Variants in PDE11A observed in about 807,000 individuals in gnomAD.
PDE11A encodes dual 3',5'-cyclic-AMP and -GMP phosphodiesterase 11A.
A neutral mutation model predicts 100.5 loss-of-function variants in PDE11A; 100 were observed. The observed-to-expected ratio is 1.00, with a 90% CI of 0.85 to 1.18. The LOEUF is 1.18. PDE11A is among the 50% of genes most tolerant of loss of function. The pLI, the probability that PDE11A is intolerant of heterozygous loss-of-function variation, is 0.00. For synonymous variants in PDE11A, 381 were observed against 420.8 expected, an observed-to-expected ratio of 0.91 and a Z score of 1.16; for missense variants, 1,141 against 1,152.6, an observed-to-expected ratio of 0.99 and a Z score of 0.15.
intron 2 of PDE11A, among the ~76,000 whole-genome samples, chr2:177,955,643 T>TA (rs1057251995): frequency 1.3e-5 from 2 of 152,174 alleles, no homozygotes; most frequent in Non-Finnish European, 2.9e-5. Flanking sequence ...GGCATCACGC[T>TA]ACCTGACTTC....
intron 2 of PDE11A, among the ~76,000 whole-genome samples, chr2:178,091,950 G>A (rs2087428938): frequency 6.6e-6 from 1 of 151,994 alleles, no homozygotes; most frequent in South Asian, 2.1e-4. Flanking sequence ...TAACAACATT[G>A]GACATGCTTT....
intron 10 of PDE11A, among the ~76,000 whole-genome samples, chr2:177,741,905 G>A (rs2081876957): frequency 6.6e-6 from 1 of 152,118 alleles, no homozygotes; most frequent in Non-Finnish European, 1.5e-5. Context: ...AGTGGTGCAC[G>A]CCTGCAGTCC....
At chr2:177,921,492 AAC>A (rs1397344990) in intron 2 of PDE11A, among the ~76,000 whole-genome samples, 9 of 150,450 alleles carry the variant, frequency 6.0e-5, no homozygotes, top group African/African-American at 1.5e-4. Context: ...AAAGAAAAAA[AAC>A]ATGTTTATCA....
chr2:177,633,362 CA>C (rs1202397501), intron 19 of PDE11A, among the ~76,000 whole-genome samples: 1 of 152,220 alleles, frequency 6.6e-6, no homozygotes, highest in Non-Finnish European at 1.5e-5. Context: ...AGCACAACTG[CA>C]AACCACCTGT....
chr2:177,913,686 A>G (rs2084913670), intron 2 of PDE11A, among the ~76,000 whole-genome samples: 2 of 152,014 alleles, frequency 1.3e-5, no homozygotes, highest in South Asian at 4.1e-4. Flanking sequence ...TTGGCAATAT[A>G]TCTTGGAAAT....
At chr2:177,845,544 A>C (rs2083577614) in intron 5 of PDE11A, among the ~76,000 whole-genome samples, 1 of 148,762 alleles carries the variant, frequency 6.7e-6, no homozygotes, top group Non-Finnish European at 1.5e-5. Flanking sequence ...CTCACTTTCC[A>C]GACTGGGCAG....
At chr2:178,023,524 T>A (rs2086439938) in intron 1 of PDE11A, among the ~76,000 whole-genome samples, 1 of 152,176 alleles carries the variant, frequency 6.6e-6, no homozygotes, top group African/African-American at 2.4e-5. Context: ...CCCAATACTT[T>A]ATAGTAAAAT....
chr2:177,850,978 C>T (rs1437152348), intron 5 of PDE11A, among the ~76,000 whole-genome samples: 1 of 152,146 alleles, frequency 6.6e-6, no homozygotes, highest in Non-Finnish European at 1.5e-5. Context: ...GACAGTGTGG[C>T]GACTCCTCAA....
chr2:177,672,055 A>G (rs12612481), intron 17 of PDE11A, among the ~76,000 whole-genome samples: 17,041 of 151,966 alleles, frequency 0.11, 1,071 homozygotes, highest in East Asian at 0.26. Flanking sequence ...AGCCTCCCCC[A>G]GTACTACACT....
chr2:177,885,690 G>C (rs1452409619), intron 4 of PDE11A, among the ~76,000 whole-genome samples: 1 of 152,168 alleles, frequency 6.6e-6, no homozygotes. Context: ...ACTCACTTGA[G>C]AAGGAGGGCA....
rs140981997 is a variant in PDE11A at position 177,960,873 on chromosome 2, A to C, written c.1071+53429T>G. ...TTTATATGGATCCATACATATCCTA[A>C]TGTTGCCTCCCGACTGGTTGGTCTT... On this transcript the variant is annotated intron_variant, in intron 2 of 19. Coordinates refer to ENST00000286063, the MANE Select transcript of PDE11A (RefSeq NM_016953.4). 9.9e-4 allele frequency among the ~76,000 whole-genome samples: 150 copies of C among 152,226 alleles called. 1 individual carries two copies. Among genetic ancestry groups the C allele is most frequent in the African/African-American group, 3.4e-3 (141 of 41,546 alleles).
At chr2:177,716,093 G>A (rs146558495) in intron 12 of PDE11A, among the ~76,000 whole-genome samples, 1 of 152,336 alleles carries the variant, frequency 6.6e-6, no homozygotes, top group Admixed American at 6.5e-5. Context: ...CTGTCCACCT[G>A]TGAGGATGTA....
chr2:177,869,278 T>C (rs2695720), intron 5 of PDE11A, among the ~76,000 whole-genome samples: 148,286 of 152,322 alleles, frequency 0.97, 72,286 homozygotes, highest in Middle Eastern at 1. Context: ...CAGGCTCTTA[T>C]AAGACCAAAA....
At chr2:178,025,058 G>A (rs892187632) in intron 1 of PDE11A, among the ~76,000 whole-genome samples, 1 of 152,122 alleles carries the variant, frequency 6.6e-6, no homozygotes, top group Non-Finnish European at 1.5e-5. Context: ...TTTGATATTT[G>A]CTGAGAAAAA....
chr2:177,855,956 G>C (rs994837125), intron 5 of PDE11A, among the ~76,000 whole-genome samples: 2 of 148,230 alleles, frequency 1.3e-5, no homozygotes, highest in African/African-American at 2.5e-5. Context: ...ACACACTACT[G>C]TAAGAATGTC....
At chr2:177,892,881 T>C (rs1216578062) in intron 4 of PDE11A, among the ~76,000 whole-genome samples, 1 of 152,190 alleles carries the variant, frequency 6.6e-6, no homozygotes, top group Admixed American at 6.5e-5. Flanking sequence ...TGCCAGGAAA[T>C]GGGAAAAGTT....
chr2:178,106,085 T>G (rs148705178), intron 1 of PDE11A, among the ~76,000 whole-genome samples: 1 of 152,374 alleles, frequency 6.6e-6, no homozygotes, highest in African/African-American at 2.4e-5. Flanking sequence ...TGTGTTATTC[T>G]GCCAATATTG....
intron 1 of PDE11A, among the ~76,000 whole-genome samples, chr2:178,036,360 A>C (rs1375258763): frequency 6.6e-6 from 1 of 152,176 alleles, no homozygotes; most frequent in African/African-American, 2.4e-5. Context: ...ACCACTGCTC[A>C]GGAAAGAAGA....
intron 19 of PDE11A, among the ~76,000 whole-genome samples, chr2:177,644,094 GAGCCCCCACACA>G (rs2080185151): frequency 6.6e-6 from 1 of 152,234 alleles, no homozygotes; most frequent in African/African-American, 2.4e-5. Context: ...ATGTGGGGGG[GAGCCCCCACACA>G]GAGTCCCCAC....
Sources: allele counts gnomAD v4.1 joint callset (sites outside exome capture counted in the v4.1 genomes callset), GRCh38; gene constraint gnomAD v4.1.1; transcripts MANE v1.5; gene names NCBI Gene and HGNC (gene_info 2026-07-23, HGNC 2026-07-21).